TADA1: variants seen among roughly 807,000 people sequenced by gnomAD.
The protein encoded by TADA1 is transcriptional adapter 1.
Under a neutral mutation model 39.3 loss-of-function variants are expected in TADA1, and 23 were observed. That is an observed-to-expected ratio of 0.58 (90% CI 0.42 to 0.83). The LOEUF (loss-of-function observed/expected upper bound fraction) is 0.83, where lower values mean the gene tolerates loss of function less well. Ranked by LOEUF, TADA1 falls within the 40% of genes least tolerant of loss-of-function variation. TADA1 has a pLI of 0.00. For missense variants in TADA1, 352 were observed against 408.1 expected (o/e 0.86, Z 1.18); for synonymous variants, 137 against 151.8 (o/e 0.90, Z 0.72).
rs1341432541 is a variant in TADA1, at chr1:166,856,643, T to G, written c.*924A>C. ...ACAAACCTATCTATACATTCTAATTTATCTATCAACACTATCCCTTAAGTA... is the reference window on the plus strand; with the variant it reads ...ACAAACCTATCTATACATTCTAATTGATCTATCAACACTATCCCTTAAGTA... On this transcript the variant is annotated 3_prime_UTR_variant, in exon 8 of 8. Transcript: ENST00000367874. The G allele has an allele frequency of 6.6e-6, 1 of 152,646 alleles. No homozygotes were observed. The highest frequency in any genetic ancestry group is 1.9e-4 in the East Asian group (1 of 5,198). The allele number at this position is 152,646 out of a possible 1,614,324, so 9.5% of individuals were successfully genotyped here.
intron 3 of TADA1, chr1:166,869,085 G>C (rs774011982): frequency 3.5e-6 from 1 of 285,036 alleles, no homozygotes. Flanking sequence ...AAAGTTTGGT[G>C]TCAAAAATGG....
In TADA1 at chr1:166,857,715, T is replaced by G. The variant is rs748842133; in HGVS notation, c.860A>C (p.His287Pro). 1.9e-6 allele frequency: 3 copies of G among 1,610,002 alleles called. No homozygotes were observed. The East Asian group carries it at 6.7e-5, about 36-fold the overall frequency. The change falls in exon 8 of 8, where the codon CAC (histidine) becomes CCC (proline). Residue 287 changes from histidine to proline, a missense_variant. His to Pro is a moderately conservative substitution (Grantham distance 77). Around this residue, in one of 3 missense-constraint regions of TADA1, gnomAD observed 285 missense variants for 310.9 expected, o/e 0.92. Coordinates refer to ENST00000367874, the MANE Select transcript of TADA1 (RefSeq NM_053053.4). ...MYDLFEALQV[H>P]REVIPTHTVY... ...AGTATGTGTAGGGATGACTTCCCTG[T>G]GCACCTGGGATTAAAAAATTAACGC...
chr1:166,876,018 AG>A (rs1208719473), intron 1 of TADA1, 141 bp downstream of exon 1: 1 of 808,078 alleles, frequency 1.2e-6, no homozygotes, highest in Non-Finnish European at 1.8e-6. Context: ...CCCCGGCCGG[AG>A]AAACCCCGAA....
intron 3 of TADA1, among the ~76,000 whole-genome samples, chr1:166,866,995 T>C (rs1658551575): frequency 6.6e-6 from 1 of 152,208 alleles, no homozygotes; most frequent in Non-Finnish European, 1.5e-5. Context: ...TCCACCCACC[T>C]TGGCCTCCCA....
Position 166,856,863 on chromosome 1 carries a change from AG to A in TADA1, c.*703del, listed in dbSNP as rs555150898. 2.6e-5 allele frequency: 4 copies of A among 152,452 alleles called. No individual in the cohort carries two copies. The South Asian group carries it at 8.3e-4, about 32-fold the overall frequency. The allele number at this position is 152,452 out of a possible 1,614,324, so 9.4% of individuals were successfully genotyped here. A position where few individuals can be genotyped will look rare whatever the true frequency, so the allele number is the denominator to read the frequency against. On this transcript the variant is annotated 3_prime_UTR_variant, in exon 8 of 8. Transcript: ENST00000367874. ...ATTAACCGAAGAAACTGCCAATCAAAGTTTTTGGGCATATTTAACAAAACTT... is the reference window on the plus strand; with the variant it reads ...ATTAACCGAAGAAACTGCCAATCAAATTTTTGGGCATATTTAACAAAACTT...
chr1:166,872,857 G>A (rs940408732), intron 1 of TADA1, among the ~76,000 whole-genome samples: 15 of 152,202 alleles, frequency 9.9e-5, no homozygotes, highest in African/African-American at 3.6e-4. Flanking sequence ...TAGCAACACA[G>A]ACTAAGGACA....
At chr1:166,869,082 G>T in intron 3 of TADA1, 1 of 283,358 alleles carries the variant, frequency 3.5e-6, no homozygotes. Context: ...AGAAAAGTTT[G>T]GTGTCAAAAA....
chr1:166,861,985 G>A (rs915398094), intron 5 of TADA1, among the ~76,000 whole-genome samples: 1 of 152,102 alleles, frequency 6.6e-6, no homozygotes, highest in African/African-American at 2.4e-5. Context: ...CTTGAGCCCA[G>A]GATTTCCAGG....
rs1281524226 is a variant in TADA1 at position 166,869,458 on chromosome 1, C to A, written c.219G>T (p.Leu73Phe). The A allele has an allele frequency of 3.1e-6, 5 of 1,613,478 alleles. No homozygotes were observed. The highest frequency in any genetic ancestry group is 4.2e-6 in the Non-Finnish European group (5 of 1,179,634). The change falls in exon 3 of 8, where the codon TTG (leucine) becomes TTT (phenylalanine). Residue 73 changes from leucine (L) to phenylalanine (F), a missense_variant. By Grantham distance (22) the Leu-to-Phe change is conservative. Around this residue, in one of 3 missense-constraint regions of TADA1, gnomAD observed 36 missense variants for 72.0 expected, o/e 0.50. Coordinates refer to ENST00000367874, the MANE Select transcript of TADA1 (RefSeq NM_053053.4). ...LLAILTRCQI[L>F]VSTPDGAGSL... ...CCACTCCCTTACCTGGTGTAGAAAC[C>A]AAAATCTGACAACGCGTGAGAATGG... is the stretch of plus-strand genomic sequence containing the variant.
intron 1 of TADA1, among the ~76,000 whole-genome samples, chr1:166,874,326 C>CT (rs1658719704): frequency 2.0e-5 from 3 of 148,564 alleles, no homozygotes; most frequent in Non-Finnish European, 3.0e-5. Flanking sequence ...GACGACAGAG[C>CT]AAGACTCCAT....
chr1:166,875,890 T>G (rs1658754184), intron 1 of TADA1, among the ~76,000 whole-genome samples: 1 of 152,120 alleles, frequency 6.6e-6, no homozygotes, highest in East Asian at 1.9e-4. Flanking sequence ...GGGTGCGAAG[T>G]GCGCTTCTCC....
At position 166,857,543 on chromosome 1, in the gene TADA1, G is replaced by A; in HGVS notation, c.*24C>T. The A allele has an allele frequency of 2.5e-6, 4 of 1,609,934 alleles. No homozygotes were observed. The highest frequency in any genetic ancestry group is 3.4e-6 in the Non-Finnish European group (4 of 1,178,700). ...TTCAGTAATCAATGAATTCGGTGAG[G>A]GTCCCACACCCTCAAATCCTAATTT... On this transcript the variant is annotated 3_prime_UTR_variant, in exon 8 of 8. Transcript: ENST00000367874.
At chr1:166,869,934 G>C (rs1557910896) in intron 1 of TADA1, 80 bp from the exon 2 acceptor site, 1 of 1,265,976 alleles carries the variant, frequency 7.9e-7, no homozygotes, top group Non-Finnish European at 1.1e-6. Flanking sequence ...TTTTTAAAGA[G>C]ACGGGGTTTT....
intron 1 of TADA1, among the ~76,000 whole-genome samples, chr1:166,875,757 G>A (rs1658749182): frequency 6.6e-6 from 1 of 152,226 alleles, no homozygotes; most frequent in Non-Finnish European, 1.5e-5. Context: ...AGCCCTCCAG[G>A]GGCGGGCCGC....
At chr1:166,866,610 A>G (rs1378490964) in intron 3 of TADA1, among the ~76,000 whole-genome samples, 1 of 152,336 alleles carries the variant, frequency 6.6e-6, no homozygotes, top group South Asian at 2.1e-4. Context: ...TACATTCTCA[A>G]AATCCAAATG....
intron 1 of TADA1, 37 bp downstream of exon 1, chr1:166,876,123 C>A: frequency 1.9e-6 from 3 of 1,586,128 alleles, no homozygotes; most frequent in African/African-American, 2.7e-5. Context: ...AGAGCACCCG[C>A]GTGTTGGCCT....
At chr1:166,863,988 C>G in intron 3 of TADA1, 67 bp from the exon 4 acceptor site, 1 of 1,335,762 alleles carries the variant, frequency 7.5e-7, no homozygotes, top group South Asian at 1.3e-5. Context: ...AGTTTGTTTT[C>G]ATTTGGGGTA....
intron 1 of TADA1, among the ~76,000 whole-genome samples, chr1:166,871,327 A>T (rs1185306933): frequency 1.3e-5 from 2 of 152,180 alleles, no homozygotes; most frequent in Non-Finnish European, 2.9e-5. Context: ...TGGGATGAAA[A>T]ATTACTCAAT....
chr1:166,860,440 C>A (rs1658379882), intron 5 of TADA1, 103 bp from the exon 6 acceptor site: 1 of 1,170,458 alleles, frequency 8.5e-7, no homozygotes, highest in Non-Finnish European at 1.2e-6. Flanking sequence ...GATGGAGATG[C>A]AGAATAGGTT....
Sources: gnomAD v4.1 joint callset for allele counts (sites outside exome capture counted in the v4.1 genomes callset) on GRCh38, gnomAD v4.1.1 for gene constraint, gnomAD v4.1.1 regional missense constraint, MANE v1.5 for transcripts, NCBI Gene and HGNC (gene_info 2026-07-23, HGNC 2026-07-21) for gene names.